The following MARCHF4 variants were observed in gnomAD, a reference collection of about 807,000 sequenced individuals.
The protein encoded by MARCHF4 is membrane associated ring-CH-type finger 4.
In MARCHF4, 14 loss-of-function variants were observed where a neutral mutation model predicts 43.9. The observed-to-expected ratio is 0.32, with a 90% CI of 0.21 to 0.50. The LOEUF (loss-of-function observed/expected upper bound fraction) is 0.50, where lower values mean the gene tolerates loss of function less well. Ranked by LOEUF, MARCHF4 falls within the 20% of genes least tolerant of loss-of-function variation. The pLI, the probability that MARCHF4 is intolerant of heterozygous loss-of-function variation, is 0.98. For synonymous variants in MARCHF4, 226 were observed against 213.3 expected, an observed-to-expected ratio of 1.06 and a Z score of -0.52; for missense variants, 468 against 536.7, an observed-to-expected ratio of 0.87 and a Z score of 1.27.
At chr2:216,363,424 C>G (rs540375277) in intron 1 of MARCHF4, among the ~76,000 whole-genome samples, 1 of 152,208 alleles carries the variant, frequency 6.6e-6, no homozygotes, top group African/African-American at 2.4e-5. Context: ...CGTGCTTATG[C>G]GTGAGCAAGT....
At chr2:216,334,863 G>A (rs1692135354) in intron 1 of MARCHF4, among the ~76,000 whole-genome samples, 1 of 152,166 alleles carries the variant, frequency 6.6e-6, no homozygotes, top group Admixed American at 6.5e-5. Context: ...GCCCGTTAAT[G>A]GAATAAGTCA....
chr2:216,269,360 A>C (rs1045743016), intron 3 of MARCHF4, among the ~76,000 whole-genome samples: 32 of 152,052 alleles, frequency 2.1e-4, no homozygotes, highest in African/African-American at 7.7e-4. Flanking sequence ...GCTTCTCTGC[A>C]GCAGAGGACA....
intron 1 of MARCHF4, among the ~76,000 whole-genome samples, chr2:216,292,335 G>A (rs1327378067): frequency 6.6e-6 from 1 of 152,252 alleles, no homozygotes; most frequent in East Asian, 1.9e-4. Flanking sequence ...GAAATGTCCA[G>A]TTGCCTTGTA....
At chr2:216,356,029 G>T in intron 1 of MARCHF4, among the ~76,000 whole-genome samples, 1 of 152,194 alleles carries the variant, frequency 6.6e-6, no homozygotes, top group Non-Finnish European at 1.5e-5. Context: ...ACAGCCCCAG[G>T]ACTAGAAAGC....
At chr2:216,264,012 C>A (rs72960747) in intron 3 of MARCHF4, among the ~76,000 whole-genome samples, 1 of 152,164 alleles carries the variant, frequency 6.6e-6, no homozygotes, top group Non-Finnish European at 1.5e-5. Flanking sequence ...GGGGAGCAGC[C>A]GGCTTGGAGC....
chr2:216,292,047 TATC>T (rs1691317179), intron 1 of MARCHF4, among the ~76,000 whole-genome samples: 1 of 152,228 alleles, frequency 6.6e-6, no homozygotes, highest in South Asian at 2.1e-4. Flanking sequence ...GCTCCCCTGT[TATC>T]ATATTAACAC....
At chr2:216,339,718 T>C (rs996350161) in intron 1 of MARCHF4, among the ~76,000 whole-genome samples, 1 of 152,198 alleles carries the variant, frequency 6.6e-6, no homozygotes, top group South Asian at 2.1e-4. Context: ...CGTTCATTCA[T>C]GTGCCTTCTA....
chr2:216,332,106 T>C (rs1289887455), intron 1 of MARCHF4, among the ~76,000 whole-genome samples: 1 of 152,078 alleles, frequency 6.6e-6, no homozygotes, highest in Non-Finnish European at 1.5e-5. Context: ...AAACTGAATT[T>C]GGGGCCGGGC....
chr2:216,283,540 C>A, intron 2 of MARCHF4, 34 bp downstream of exon 2: 1 of 1,557,092 alleles, frequency 6.4e-7, no homozygotes, highest in Non-Finnish European at 8.8e-7. Flanking sequence ...AAGCCCCAGG[C>A]CCAGCAACCC....
At chr2:216,287,188 A>C (rs1691230297) in intron 1 of MARCHF4, among the ~76,000 whole-genome samples, 1 of 152,030 alleles carries the variant, frequency 6.6e-6, no homozygotes, top group Non-Finnish European at 1.5e-5. Context: ...TTGGTACTTC[A>C]CCATTTTCAA....
intron 2 of MARCHF4, among the ~76,000 whole-genome samples, chr2:216,280,842 T>C (rs1430873494): frequency 6.6e-6 from 1 of 152,222 alleles, no homozygotes; most frequent in Non-Finnish European, 1.5e-5. Flanking sequence ...TTTAGAACAC[T>C]GACTGGCCCC....
intron 3 of MARCHF4, among the ~76,000 whole-genome samples, chr2:216,264,910 CA>C (rs1487728563): frequency 1.3e-5 from 2 of 152,180 alleles, no homozygotes; most frequent in African/African-American, 2.4e-5. Flanking sequence ...GGGAAAAGCA[CA>C]AACTACCTCA....
chr2:216,328,942 G>A (rs1692040237), intron 1 of MARCHF4, among the ~76,000 whole-genome samples: 1 of 152,146 alleles, frequency 6.6e-6, no homozygotes, highest in Non-Finnish European at 1.5e-5. Context: ...GGAGGCTGAG[G>A]CACAAGAATC....
intron 1 of MARCHF4, among the ~76,000 whole-genome samples, chr2:216,338,089 C>T (rs995202178): frequency 3.3e-5 from 5 of 152,174 alleles, no homozygotes; most frequent in African/African-American, 9.7e-5. Flanking sequence ...GATGAGCCCA[C>T]AGTTATTGGC....
chr2:216,275,086 T>A (rs893427080), intron 3 of MARCHF4, among the ~76,000 whole-genome samples: 9 of 152,246 alleles, frequency 5.9e-5, no homozygotes, highest in Non-Finnish European at 1.0e-4. Flanking sequence ...CTTGGGCTAT[T>A]ATGTTTTCCG....
intron 1 of MARCHF4, among the ~76,000 whole-genome samples, chr2:216,361,350 G>A (rs2105984612): frequency 6.6e-6 from 1 of 152,216 alleles, no homozygotes; most frequent in African/African-American, 2.4e-5. Flanking sequence ...TGTCTGTCTG[G>A]GGCTGTCCAT....
At chr2:216,269,581 C>T (rs937354969) in intron 3 of MARCHF4, among the ~76,000 whole-genome samples, 22 of 152,178 alleles carry the variant, frequency 1.4e-4, no homozygotes, top group Admixed American at 9.2e-4. Flanking sequence ...ATAACAGTTT[C>T]GGCAAACCTT....
At chr2:216,266,185 T>C (rs961994836) in intron 3 of MARCHF4, 5 of 152,010 alleles carry the variant, frequency 3.3e-5, no homozygotes, top group African/African-American at 7.3e-5. Flanking sequence ...GCTTTCAGAG[T>C]GTTTGCCACT....
chr2:216,327,779 C>T (rs2105967951), intron 1 of MARCHF4, among the ~76,000 whole-genome samples: 1 of 152,240 alleles, frequency 6.6e-6, no homozygotes, highest in East Asian at 1.9e-4. Flanking sequence ...GGATTTGACC[C>T]AACTGAGATT....
Sources: gnomAD v4.1 joint callset for allele counts (sites outside exome capture counted in the v4.1 genomes callset) on GRCh38, gnomAD v4.1.1 for gene constraint, MANE v1.5 for transcripts, NCBI Gene and HGNC (gene_info 2026-07-23, HGNC 2026-07-21) for gene names.